TJP3: variants seen among roughly 807,000 people sequenced by gnomAD.
TJP3 encodes the protein tight junction protein ZO-3.
Under a neutral mutation model 104.2 loss-of-function variants are expected in TJP3, and 85 were observed. The ratio of observed to expected loss-of-function variants is 0.82; its 90% CI spans 0.68 to 0.98. The LOEUF (loss-of-function observed/expected upper bound fraction) is 0.98. Ranked by LOEUF, TJP3 falls within the 50% of genes least tolerant of loss-of-function variation. The probability of loss-of-function intolerance (pLI) is 0.00; values close to 1 mark genes in which losing one functional copy is unlikely to be tolerated. For synonymous variants in TJP3, 550 were observed against 550.6 expected (o/e 1.00, Z 0.02); for missense variants, 1,367 against 1,322.8 (o/e 1.03, Z -0.52).
At position 3,742,841 on chromosome 19, in the gene TJP3, C is replaced by T. The variant is rs188180602; in HGVS notation, c.1844-1098C>T. ...ATTAGCCGGGCGTGGTGGTGGGCGC[C>T]TCTAATCCCAGCTACTCAGGAAGCT... On this transcript the variant is annotated intron_variant, in intron 14 of 20. Transcript: ENST00000541714. 3.8e-3 allele frequency among the ~76,000 whole-genome samples: 573 copies of T among 151,632 alleles called. 2 individuals are homozygous for T. The highest frequency in any genetic ancestry group is 0.013 in the African/African-American group (538 of 41,320).
chr19:3,746,465 C>G lies in TJP3; in HGVS notation c.2011-20C>G. The G allele has an allele frequency of 6.2e-7, 1 of 1,612,932 alleles. No individual in the cohort carries two copies. The highest frequency in any genetic ancestry group is 8.5e-7 in the Non-Finnish European group (1 of 1,179,534). On this transcript the variant is annotated intron_variant, in intron 16 of 20. Transcript: ENST00000541714. The surrounding 1 kb of genome is among the most constrained non-coding windows in gnomAD (Gnocchi z 4.1). ...CCTGCTGCAATCCCCCTCACCCCAA[C>G]GTCCGCCGGCCTGGCCCAGGACAAG...
At position 3,709,876 on chromosome 19, in the gene TJP3, G is replaced by A. The variant is rs571857096; in HGVS notation, c.-10+1315G>A. Among the ~76,000 whole-genome samples, 137 of 152,236 alleles carry A rather than the reference G, an allele frequency of 9.0e-4. 2 individuals carry two copies. The highest frequency in any genetic ancestry group is 7.7e-3 in the South Asian group (37 of 4,826). On this transcript the variant is annotated intron_variant, in intron 1 of 20. Transcript: ENST00000541714. ...AAAATGGGGATATTGAGGGCCGGGC[G>A]CGGTGGCTCACGCCTGTAATCCCAG...
Position 3,739,082 on chromosome 19 carries a change from A to G in TJP3, c.1579A>G (p.Met527Val), listed in dbSNP as rs1162000629. The G allele has an allele frequency of 3.7e-6, 6 of 1,603,626 alleles. No individual in the cohort carries two copies. The highest frequency in any genetic ancestry group is 2.7e-5 in the African/African-American group (2 of 74,900). The change falls in exon 13 of 21, where the codon ATG becomes GTG. Residue 527 changes from methionine to valine, a missense_variant. Coordinates refer to ENST00000541714, the MANE Select transcript of TJP3 (RefSeq NM_001267560.2). The part of the protein sequence containing the change: ...ARGGHWLAVR[M>V]GRDLREQERG... ...AGGAGGCCACTGGCTGGCGGTGCGCATGGGTCGTGACCTGCGGGAGCAAGA... is the reference window on the plus strand; with the variant it reads ...AGGAGGCCACTGGCTGGCGGTGCGCGTGGGTCGTGACCTGCGGGAGCAAGA...
intron 1 of TJP3, among the ~76,000 whole-genome samples, chr19:3,727,975 C>T (rs142752029): frequency 1.3e-5 from 2 of 151,518 alleles, no homozygotes; most frequent in Non-Finnish European, 2.9e-5. Flanking sequence ...CACAGTGACT[C>T]ACCCCTGTAA....
intron 11 of TJP3, among the ~76,000 whole-genome samples, chr19:3,738,338 C>T (rs1452261212): frequency 6.6e-6 from 1 of 152,202 alleles, no homozygotes; most frequent in Non-Finnish European, 1.5e-5. Context: ...TGTGTCAAAA[C>T]TCTTGTATCC....
intron 1 of TJP3, among the ~76,000 whole-genome samples, chr19:3,712,980 C>G (rs1278489347): frequency 7.9e-5 from 12 of 151,622 alleles, no homozygotes; most frequent in Non-Finnish European, 1.5e-4. Context: ...AAAAGAAAGT[C>G]CCCTGTTGAA....
Position 3,740,621 on chromosome 19 carries a change from C to T in TJP3, c.1701C>T (p.Gly567=). The change falls in exon 14 of 21, where the codon GGC becomes GGT. Residue 567 remains glycine (G), a synonymous_variant. Coordinates refer to ENST00000541714, the MANE Select transcript of TJP3 (RefSeq NM_001267560.2). The part of the protein sequence containing the change: ...AVGVGPGSSA[G]SNARAEFWRL... The stretch of plus-strand genomic sequence containing the variant: ...GAGTCGGGCCCGGCTCCTCCGCGGG[C>T]TCCAATGCTCGGGCCGAGTTCTGGC... The T allele has an allele frequency of 1.3e-6, 2 of 1,586,364 alleles. No individual in the cohort carries two copies. Among genetic ancestry groups the T allele is most frequent in the Non-Finnish European group, 1.7e-6 (2 of 1,168,286 alleles).
At chr19:3,748,202 A>G in intron 19 of TJP3, 121 bp downstream of exon 19, 1 of 1,319,788 alleles carries the variant, frequency 7.6e-7, no homozygotes, top group South Asian at 1.6e-5. Context: ...TTCCCTGGTC[A>G]GACTGGTTTC....
chr19:3,736,008 C>T (rs975573071), intron 10 of TJP3, 73 bp downstream of exon 10: 4 of 1,598,894 alleles, frequency 2.5e-6, no homozygotes, highest in Non-Finnish European at 3.4e-6. Context: ...TCAGCGCAAT[C>T]CTGCCTGCTT....
At chr19:3,727,298 T>C (rs1187777755) in intron 1 of TJP3, among the ~76,000 whole-genome samples, 2 of 151,788 alleles carry the variant, frequency 1.3e-5, no homozygotes, top group Admixed American at 6.6e-5. Flanking sequence ...CTGGCCAACA[T>C]AGTGAAACCC....
chr19:3,734,314 T>C lies in TJP3; in HGVS notation c.878-13T>C. 1 of 1,612,196 alleles carries C rather than the reference T, an allele frequency of 6.2e-7. No homozygotes were observed. Among genetic ancestry groups the C allele is most frequent in the Non-Finnish European group, 8.5e-7 (1 of 1,178,802 alleles). ...CGTGACCATGGCTGATGAGATGTCC[T>C]CTCCCCCTGCAGACATCTCGGACCT... On this transcript the variant is annotated splice_polypyrimidine_tract_variant and intron_variant, in intron 7 of 20. Transcript: ENST00000541714.
chr19:3,717,558 C>CT, intron 1 of TJP3, among the ~76,000 whole-genome samples: 1 of 152,014 alleles, frequency 6.6e-6, no homozygotes, highest in Non-Finnish European at 1.5e-5. Context: ...GCCTCAGCCT[C>CT]CTGAGTAGCT....
intron 1 of TJP3, among the ~76,000 whole-genome samples, chr19:3,720,863 G>GTTCC (rs1031691214): frequency 7.0e-6 from 1 of 142,604 alleles, no homozygotes; most frequent in Non-Finnish European, 1.5e-5. Flanking sequence ...CTTTTCCTTC[G>GTTCC]TTCCTTCCTT....
Position 3,730,447 on chromosome 19 carries a change from C to T in TJP3, c.354C>T (p.Pro118=), listed in dbSNP as rs749008600. The T allele has an allele frequency of 1.9e-6, 3 of 1,589,204 alleles. No individual in the cohort carries two copies. The highest frequency in any genetic ancestry group is 2.7e-5 in the African/African-American group (2 of 74,328). ...AGGACTCGGATGAAGACGATGGGCCCCAGCGGGTGGAGGAGGTGGACCAGG... is the reference window on the plus strand; with the variant it reads ...AGGACTCGGATGAAGACGATGGGCCTCAGCGGGTGGAGGAGGTGGACCAGG... ...GRQDSDEDDG[P]QRVEEVDQGR... is the part of the protein sequence containing the mutation. The change falls in exon 5 of 21, where the codon CCC becomes CCT. Residue 118 remains proline (P), a synonymous_variant. Coordinates refer to ENST00000541714, the MANE Select transcript of TJP3 (RefSeq NM_001267560.2). This position sits in a 1 kb window ranked among gnomAD's most constrained non-coding sequence, Gnocchi z 7.3.
intron 1 of TJP3, among the ~76,000 whole-genome samples, chr19:3,725,937 C>T (rs2036591622): frequency 6.6e-6 from 1 of 152,246 alleles, no homozygotes; most frequent in Non-Finnish European, 1.5e-5. Flanking sequence ...GCTGCCCTGG[C>T]TCCTTCAGAA....
In TJP3 at chr19:3,735,939, T is replaced by A; in HGVS notation, c.1127+4T>A. On this transcript the variant is annotated splice_donor_region_variant and intron_variant, in intron 10 of 20. Transcript: ENST00000541714. Reference sequence around the variant, plus strand: ...GTCAGAGCATGGAGGATCGTGGGTATGTACCCCAGAAGAAAGCAAACCCGC... The same window carrying A: ...GTCAGAGCATGGAGGATCGTGGGTAAGTACCCCAGAAGAAAGCAAACCCGC... The A allele has an allele frequency of 6.2e-7, 1 of 1,614,102 alleles. No individual in the cohort carries two copies.
At chr19:3,722,872 A>T (rs926139479) in intron 1 of TJP3, among the ~76,000 whole-genome samples, 1 of 11,464 alleles carries the variant, frequency 8.7e-5, no homozygotes, top group Non-Finnish European at 1.8e-4. Context: ...GGGGGGGCAC[A>T]GGGGACGGCG....
At position 3,740,612 on chromosome 19, in the gene TJP3, C is replaced by T. The variant is rs1001512301; in HGVS notation, c.1692C>T (p.Ser564=). ...GGGCCGTGGGAGTCGGGCCCGGCTC[C>T]TCCGCGGGCTCCAATGCTCGGGCCG... ...AQRAVGVGPG[S]SAGSNARAEF... Residue 564 remains serine (S), a synonymous_variant, in exon 14 of 21, where the codon TCC becomes TCT. Coordinates refer to ENST00000541714, the MANE Select transcript of TJP3 (RefSeq NM_001267560.2). 3.2e-6 allele frequency: 5 copies of T among 1,573,854 alleles called. No individual in the cohort carries two copies. Among genetic ancestry groups the T allele is most frequent in the Non-Finnish European group, 4.3e-6 (5 of 1,162,424 alleles).
At chr19:3,714,064 T>C (rs923643219) in intron 1 of TJP3, among the ~76,000 whole-genome samples, 2 of 151,462 alleles carry the variant, frequency 1.3e-5, no homozygotes, top group African/African-American at 2.4e-5. Flanking sequence ...GTTGTTGTTT[T>C]GAGACAGAGT....
Sources: gnomAD v4.1 joint callset for allele counts (sites outside exome capture counted in the v4.1 genomes callset) on GRCh38, gnomAD v4.1.1 for gene constraint, Gnocchi (gnomAD v3.1) non-coding constraint, MANE v1.5 for transcripts, NCBI Gene and HGNC (gene_info 2026-07-23, HGNC 2026-07-21) for gene names.